The following LARGE1 variants were observed in gnomAD, a reference collection of about 807,000 sequenced individuals.
LARGE1 encodes LARGE xylosyl- and glucuronyltransferase 1.
A neutral mutation model predicts 87.6 loss-of-function variants in LARGE1; 43 were observed. That is an observed-to-expected ratio of 0.49 (90% CI 0.38 to 0.63). LARGE1 has a LOEUF of 0.63. Among genes scored for constraint, LARGE1 ranks in the 30% least tolerant of loss-of-function variants. LARGE1 has a pLI of 0.00. For missense variants in LARGE1, 802 were observed against 1,000.2 expected, an observed-to-expected ratio of 0.80 and a Z score of 2.67; for synonymous variants, 434 against 394.6, an observed-to-expected ratio of 1.10 and a Z score of -1.18.
chr22:33,644,321 T>C (rs979878773), intron 3 of LARGE1, among the ~76,000 whole-genome samples: 7 of 152,230 alleles, frequency 4.6e-5, no homozygotes, highest in African/African-American at 1.7e-4. Context: ...CACATGATTA[T>C]ATCAATAGAT....
intron 2 of LARGE1, among the ~76,000 whole-genome samples, chr22:33,709,316 C>T (rs1320410874): frequency 6.6e-6 from 1 of 152,072 alleles, no homozygotes; most frequent in Non-Finnish European, 1.5e-5. Context: ...CACGAAGGTG[C>T]CTAGACCTGT....
intron 6 of LARGE1, among the ~76,000 whole-genome samples, chr22:33,528,742 C>T (rs544144817): frequency 2.0e-5 from 3 of 152,192 alleles, no homozygotes; most frequent in African/African-American, 7.2e-5. Flanking sequence ...GGGGGCATAA[C>T]GAGGTATGTT....
intron 2 of LARGE1, among the ~76,000 whole-genome samples, chr22:33,689,842 G>A (rs368314894): frequency 2.0e-5 from 3 of 152,000 alleles, no homozygotes; most frequent in African/African-American, 4.8e-5. Flanking sequence ...CAGAAGAATC[G>A]CTTGAACCTG....
chr22:33,435,662 A>AT (rs1299745355), intron 6 of LARGE1, among the ~76,000 whole-genome samples: 1 of 152,152 alleles, frequency 6.6e-6, no homozygotes, highest in Non-Finnish European at 1.5e-5. Context: ...GGTGCTCTAC[A>AT]TAAGGCTTAA....
chr22:33,386,783 AT>A (rs1181035808), intron 7 of LARGE1, among the ~76,000 whole-genome samples: 1 of 149,018 alleles, frequency 6.7e-6, no homozygotes, highest in Non-Finnish European at 1.5e-5. Context: ...CTGGTGACTG[AT>A]TTAAGAAAAT....
At chr22:33,389,218 G>C (rs2065430515) in intron 7 of LARGE1, among the ~76,000 whole-genome samples, 1 of 152,242 alleles carries the variant, frequency 6.6e-6, no homozygotes. Context: ...CAAATGCCAG[G>C]ACAGACGCCT....
At chr22:33,466,344 GTTT>G (rs111661215) in intron 6 of LARGE1, among the ~76,000 whole-genome samples, 2 of 147,902 alleles carry the variant, frequency 1.4e-5, no homozygotes, top group African/African-American at 2.5e-5. Context: ...GCCCATCACT[GTTT>G]TTTTTTCTTG....
chr22:33,399,367 T>G (rs1257488804), intron 7 of LARGE1, among the ~76,000 whole-genome samples: 2 of 152,232 alleles, frequency 1.3e-5, no homozygotes, highest in Non-Finnish European at 2.9e-5. Flanking sequence ...TGCCACATTT[T>G]CTTTATCCAG....
rs376047658 is a variant in LARGE1, at chr22:33,858,957, C to T, written c.-83+61038G>A. On this transcript the variant is annotated intron_variant, in intron 1 of 14. Coordinates refer to ENST00000397394, the MANE Select transcript of LARGE1 (RefSeq NM_133642.5). ...AACACAAGATCAGAAAACCAAACAC[C>T]GCATCTTCTCACTCATAGGTGGGAG... 5.9e-5 allele frequency among the ~76,000 whole-genome samples: 9 copies of T among 151,874 alleles called. No homozygotes were observed. In the South Asian group the frequency reaches 6.2e-4, roughly 11 times the overall value.
At chr22:33,712,072 C>A (rs1314534471) in intron 2 of LARGE1, among the ~76,000 whole-genome samples, 2 of 152,108 alleles carry the variant, frequency 1.3e-5, no homozygotes, top group Non-Finnish European at 2.9e-5. Context: ...AGGCAGAAGT[C>A]CAGAAAAGTG....
At chr22:33,711,589 C>A (rs1383597082) in intron 2 of LARGE1, among the ~76,000 whole-genome samples, 1 of 152,128 alleles carries the variant, frequency 6.6e-6, no homozygotes, top group Non-Finnish European at 1.5e-5. Context: ...GCAGAAACAC[C>A]TCTGAGACCA....
At position 33,900,772 on chromosome 22, in the gene LARGE1, C is replaced by T. The variant is rs370271959; in HGVS notation, c.-83+19223G>A. 6.0e-4 allele frequency among the ~76,000 whole-genome samples: 92 copies of T among 152,296 alleles called. 3 individuals carry two copies. In the South Asian group the frequency reaches 7.9e-3, roughly 13 times the overall value. ...TTATAAAAAGGGGAAGCTGGCTGGG[C>T]GCAGTGGCTCACGCCTGTAATCCCA... is the stretch of plus-strand genomic sequence containing the variant. On this transcript the variant is annotated intron_variant, in intron 1 of 14. Transcript: ENST00000397394.
At chr22:33,671,489 T>C (rs1181457917) in intron 2 of LARGE1, among the ~76,000 whole-genome samples, 1 of 152,232 alleles carries the variant, frequency 6.6e-6, no homozygotes, top group African/African-American at 2.4e-5. Flanking sequence ...TACAGCAAAG[T>C]TGAGTCCTGC....
At chr22:33,916,555 A>C (rs550806549) in intron 1 of LARGE1, among the ~76,000 whole-genome samples, 3 of 152,200 alleles carry the variant, frequency 2.0e-5, no homozygotes, top group Non-Finnish European at 2.9e-5. Flanking sequence ...TACTCCATGT[A>C]GAGCGACCTC....
intron 11 of LARGE1, among the ~76,000 whole-genome samples, chr22:33,256,913 A>C (rs1191551050): frequency 6.6e-6 from 1 of 152,214 alleles, no homozygotes; most frequent in African/African-American, 2.4e-5. Flanking sequence ...GATCATTAAA[A>C]ATGGAGGTGA....
chr22:33,647,724 A>G (rs1164448162), intron 3 of LARGE1, among the ~76,000 whole-genome samples: 2 of 152,130 alleles, frequency 1.3e-5, no homozygotes, highest in African/African-American at 4.8e-5. Context: ...TCCAATATCC[A>G]TTGTCACCAC....
At chr22:33,922,643 G>T (rs562118021), upstream of LARGE1, 2 of 152,250 alleles carry the variant, frequency 1.3e-5, no homozygotes, top group Non-Finnish European at 2.9e-5. Flanking sequence ...GAGCCTCACC[G>T]TGCACGTTGG....
chr22:33,530,645 G>A (rs1602277575), intron 6 of LARGE1, among the ~76,000 whole-genome samples: 2 of 152,222 alleles, frequency 1.3e-5, no homozygotes, highest in Admixed American at 1.3e-4. Flanking sequence ...AGGCATAGTT[G>A]CGCTCTGAGG....
chr22:33,439,144 G>A (rs2067377499), intron 6 of LARGE1, among the ~76,000 whole-genome samples: 2 of 151,828 alleles, frequency 1.3e-5, no homozygotes, highest in East Asian at 3.9e-4. Context: ...AACTTGGGAG[G>A]CGGAGGCTGC....
Sources: allele counts gnomAD v4.1 joint callset (sites outside exome capture counted in the v4.1 genomes callset), GRCh38; gene constraint gnomAD v4.1.1; transcripts MANE v1.5; gene names NCBI Gene and HGNC (gene_info 2026-07-23, HGNC 2026-07-21).